Variants in LGR4 observed in about 807,000 individuals in gnomAD.
LGR4 encodes leucine-rich repeat-containing G protein-coupled receptor 4.
In LGR4, 44 loss-of-function variants were observed where a neutral mutation model predicts 84.8. That is an observed-to-expected ratio of 0.52 (90% CI 0.41 to 0.67). The LOEUF is 0.67. LGR4 is among the 30% of genes least tolerant of loss of function. The pLI is 0.00. For missense variants in LGR4, 1,032 were observed against 1,131.4 expected, an observed-to-expected ratio of 0.91 and a Z score of 1.26; for synonymous variants, 429 against 434.3, an observed-to-expected ratio of 0.99 and a Z score of 0.15.
At chr11:27,464,181 T>C (rs1864736148) in intron 1 of LGR4, among the ~76,000 whole-genome samples, 1 of 152,190 alleles carries the variant, frequency 6.6e-6, no homozygotes, top group South Asian at 2.1e-4. Context: ...AAAAATGCAG[T>C]TCTCTGAGAC....
At chr11:27,396,536 A>AT (rs142911079) in intron 2 of LGR4, among the ~76,000 whole-genome samples, 3,646 of 151,736 alleles carry the variant, frequency 0.024, 133 homozygotes, top group African/African-American at 0.084. Context: ...TTTTATTATT[A>AT]TTTTTTTTAT....
chr11:27,465,992 T>C (rs1590416071), intron 1 of LGR4, among the ~76,000 whole-genome samples: 2 of 152,250 alleles, frequency 1.3e-5, no homozygotes, highest in Non-Finnish European at 2.9e-5. Flanking sequence ...TATTCTTTTA[T>C]GTATAGGAAA....
intron 17 of LGR4, among the ~76,000 whole-genome samples, chr11:27,371,331 G>C (rs1210128529): frequency 6.6e-6 from 1 of 152,224 alleles, no homozygotes; most frequent in Non-Finnish European, 1.5e-5. Context: ...TAGTCCCAGA[G>C]TTAAAGGAGC....
At chr11:27,444,862 C>G (rs1864361804) in intron 1 of LGR4, among the ~76,000 whole-genome samples, 1 of 152,180 alleles carries the variant, frequency 6.6e-6, no homozygotes, top group Admixed American at 6.5e-5. Context: ...TCCTGAGTGA[C>G]AGCTTAATGT....
At chr11:27,369,246 A>G (rs2133358859) in intron 17 of LGR4, 103 bp from the exon 18 acceptor site, 1 of 911,738 alleles carries the variant, frequency 1.1e-6, no homozygotes, top group East Asian at 2.7e-5. Context: ...AGACTAATTA[A>G]ATCTGCTCTC....
intron 1 of LGR4, among the ~76,000 whole-genome samples, chr11:27,447,580 A>C (rs1250746388): frequency 6.6e-6 from 1 of 152,172 alleles, no homozygotes; most frequent in African/African-American, 2.4e-5. Context: ...AAATAACCAT[A>C]AAAATAGCTA....
intron 1 of LGR4, among the ~76,000 whole-genome samples, chr11:27,437,242 G>C (rs1864227651): frequency 6.6e-6 from 1 of 151,904 alleles, no homozygotes; most frequent in African/African-American, 2.4e-5. Flanking sequence ...AACTTATTTT[G>C]CATCTTAGTA....
chr11:27,380,309 C>A lies in LGR4; in HGVS notation c.933G>T (p.Gln311His). Residue 311 changes from glutamine (Q) to histidine (H), a missense_variant, in exon 10 of 18, where the codon CAG (glutamine) becomes CAT (histidine). Physicochemically the swap from Gln to His is conservative, Grantham distance 24. Transcript: ENST00000379214. The stretch of plus-strand genomic sequence containing the variant: ...GGACAGTTCCTGTAAGATTGGGGAA[C>A]TGCTGCACCATGCTTGCACCACGAA... ...LVIRGASMVQ[Q>H]FPNLTGTVHL... The A allele has an allele frequency of 6.2e-7, 1 of 1,611,862 alleles. No individual in the cohort carries two copies. The highest frequency in any genetic ancestry group is 8.5e-7 in the Non-Finnish European group (1 of 1,178,868).
rs1565097212 is a variant in LGR4 at position 27,449,034 on chromosome 11, T to C, written c.185+23084A>G. Among the ~76,000 whole-genome samples, 9 of 152,308 alleles carry C rather than the reference T, an allele frequency of 5.9e-5. No homozygotes were observed. The South Asian group carries it at 1.7e-3, about 28-fold the overall frequency. On this transcript the variant is annotated intron_variant, in intron 1 of 17. Transcript: ENST00000379214. ...GGTAAAACTCACCTAGTTGACAATA[T>C]CTAACTATCATAAGTTAGCTAACTT...
intron 2 of LGR4, among the ~76,000 whole-genome samples, chr11:27,408,359 T>C (rs1212180211): frequency 6.6e-6 from 1 of 152,162 alleles, no homozygotes; most frequent in Non-Finnish European, 1.5e-5. Context: ...AGTCAAATCA[T>C]GTTTTGAAAC....
intron 2 of LGR4, among the ~76,000 whole-genome samples, chr11:27,407,411 C>T (rs933262272): frequency 5.3e-5 from 8 of 152,196 alleles, no homozygotes; most frequent in Middle Eastern, 3.4e-3. Context: ...CCTGGCTGTG[C>T]TTTTACTCTA....
In LGR4 at chr11:27,367,582, AAACT is replaced by A; in HGVS notation, c.*281_*284del. 4.0e-6 allele frequency: 1 copy of A among 248,764 alleles called. No individual in the cohort carries two copies. Among genetic ancestry groups the A allele is most frequent in the Admixed American group, 5.0e-5 (1 of 19,890 alleles). 15.4% of individuals were successfully genotyped at this position (248,764 alleles called of 1,614,324 possible). A position where few individuals can be genotyped will look rare whatever the true frequency, so the allele number is the denominator to read the frequency against. ...AAATTTGCTTCTTATGGATCAGAAA[AAACT>A]AACATTATATTGCTCTACTACACCT... On this transcript the variant is annotated 3_prime_UTR_variant, in exon 18 of 18. Coordinates refer to ENST00000379214, the MANE Select transcript of LGR4 (RefSeq NM_018490.5).
intron 6 of LGR4, among the ~76,000 whole-genome samples, chr11:27,383,505 T>C (rs748531339): frequency 2.0e-5 from 3 of 152,212 alleles, no homozygotes; most frequent in Non-Finnish European, 2.9e-5. Flanking sequence ...CTTTCATATA[T>C]CCATTGATGT....
chr11:27,463,474 A>G (rs1357684929), intron 1 of LGR4, among the ~76,000 whole-genome samples: 1 of 152,200 alleles, frequency 6.6e-6, no homozygotes, highest in African/African-American at 2.4e-5. Context: ...TAATAAACCC[A>G]TAATGTGTAA....
At chr11:27,438,320 A>G (rs929638264) in intron 1 of LGR4, among the ~76,000 whole-genome samples, 2 of 152,226 alleles carry the variant, frequency 1.3e-5, no homozygotes, top group Admixed American at 1.3e-4. Flanking sequence ...ACTCTTCTGA[A>G]AAATGTATAG....
At chr11:27,436,104 G>C (rs1864202136) in intron 1 of LGR4, among the ~76,000 whole-genome samples, 1 of 151,542 alleles carries the variant, frequency 6.6e-6, no homozygotes, top group Non-Finnish European at 1.5e-5. Flanking sequence ...GTAGAGATGG[G>C]GTTTCACCGT....
At chr11:27,434,376 G>A (rs1864170820) in intron 1 of LGR4, among the ~76,000 whole-genome samples, 1 of 152,176 alleles carries the variant, frequency 6.6e-6, no homozygotes. Context: ...AGGAAGAAAG[G>A]AACTAATAAT....
At chr11:27,446,861 AATG>A (rs1490992470) in intron 1 of LGR4, among the ~76,000 whole-genome samples, 1 of 152,162 alleles carries the variant, frequency 6.6e-6, no homozygotes, top group Admixed American at 6.5e-5. Flanking sequence ...AGCCATAAAA[AATG>A]ATGAGTTCAT....
At chr11:27,413,203 C>A (rs1172936148) in intron 1 of LGR4, among the ~76,000 whole-genome samples, 1 of 152,044 alleles carries the variant, frequency 6.6e-6, no homozygotes, top group Non-Finnish European at 1.5e-5. Context: ...TCAAAATAAA[C>A]AAATGAATAC....
Sources: allele counts gnomAD v4.1 joint callset (sites outside exome capture counted in the v4.1 genomes callset), GRCh38; gene constraint gnomAD v4.1.1; transcripts MANE v1.5; gene names NCBI Gene and HGNC (gene_info 2026-07-23, HGNC 2026-07-21).